MBD5: variants seen among roughly 807,000 people sequenced by gnomAD.
MBD5 encodes the protein methyl-CpG binding domain protein 5, also known as methyl-CpG-binding domain protein 5.
A neutral mutation model predicts 117.3 loss-of-function variants in MBD5; 13 were observed. The ratio of observed to expected loss-of-function variants is 0.11; its 90% CI spans 0.07 to 0.18. The LOEUF is 0.18. Ranked by LOEUF, MBD5 falls within the 10% of genes least tolerant of loss-of-function variation. MBD5 has a pLI of 1.00. For missense variants in MBD5, 1,879 were observed against 2,093.8 expected (o/e 0.90, Z 2.00); for synonymous variants, 727 against 766.4 (o/e 0.95, Z 0.85).
chr2:148,471,351 A>G (rs1201639692), intron 8 of MBD5: 1 of 152,158 alleles, frequency 6.6e-6, no homozygotes, highest in Non-Finnish European at 1.5e-5. Flanking sequence ...AAATGTGTTG[A>G]GGCATCAGAA....
At chr2:148,463,954 T>C (rs1185302971) in intron 7 of MBD5, 35 bp downstream of exon 7, 1 of 1,606,122 alleles carries the variant, frequency 6.2e-7, no homozygotes, top group Non-Finnish European at 8.5e-7. Context: ...GGAATTCTCC[T>C]CTCCCTAGAG....
intron 3 of MBD5, chr2:148,265,133 A>AT (rs1700827510): frequency 6.6e-6 from 1 of 152,082 alleles, no homozygotes; most frequent in Non-Finnish European, 1.5e-5. Flanking sequence ...TTCTCATTAA[A>AT]TTTGTAACAG....
chr2:148,311,150 T>C (rs978623040), intron 3 of MBD5, among the ~76,000 whole-genome samples: 6 of 152,238 alleles, frequency 3.9e-5, no homozygotes, highest in Non-Finnish European at 8.8e-5. Flanking sequence ...GTTCTGTACA[T>C]GTCTATTAGG....
At chr2:148,152,788 C>T (rs914226986) in intron 1 of MBD5, among the ~76,000 whole-genome samples, 3 of 151,306 alleles carry the variant, frequency 2.0e-5, no homozygotes, top group Admixed American at 6.6e-5. Context: ...TTTCCATTTG[C>T]TTGGTAGATC....
intron 11 of MBD5, among the ~76,000 whole-genome samples, chr2:148,496,844 TGGGATTCATTTAAA>T (rs1406139052): frequency 6.6e-6 from 1 of 152,180 alleles, no homozygotes; most frequent in Non-Finnish European, 1.5e-5. Context: ...TGAAAAAAAT[TGGGATTCATTTAAA>T]GGAATGATTA....
intron 1 of MBD5, among the ~76,000 whole-genome samples, chr2:148,063,776 A>G (rs1424474663): frequency 6.6e-6 from 1 of 151,902 alleles, no homozygotes; most frequent in Non-Finnish European, 1.5e-5. Context: ...CTGTTTTCTT[A>G]TTTTCCAATA....
chr2:148,197,810 T>TTTG, intron 2 of MBD5, among the ~76,000 whole-genome samples: 1 of 115,430 alleles, frequency 8.7e-6, no homozygotes, highest in African/African-American at 3.1e-5. Context: ...TTTTTTGTTT[T>TTTG]TTTTTTTGTT....
chr2:148,247,854 C>G (rs962655326), intron 3 of MBD5, among the ~76,000 whole-genome samples: 4 of 151,934 alleles, frequency 2.6e-5, no homozygotes, highest in African/African-American at 9.7e-5. Context: ...AAAATTTAAA[C>G]TTTATGTCTT....
intron 1 of MBD5, among the ~76,000 whole-genome samples, chr2:148,128,077 G>T (rs183884254): frequency 6.6e-6 from 1 of 151,874 alleles, no homozygotes; most frequent in Non-Finnish European, 1.5e-5. Flanking sequence ...TTTTTAATGG[G>T]GTTGTTTTTT....
chr2:148,083,139 A>G (rs915974909), intron 1 of MBD5, among the ~76,000 whole-genome samples: 10 of 152,232 alleles, frequency 6.6e-5, no homozygotes, highest in African/African-American at 1.2e-4. Context: ...CTGAATGTCT[A>G]AAACCTGTGT....
intron 1 of MBD5, among the ~76,000 whole-genome samples, chr2:148,116,017 T>C (rs1696628910): frequency 6.6e-6 from 1 of 152,030 alleles, no homozygotes. Context: ...CTAACTTTTG[T>C]ATTTTTTTTA....
chr2:148,282,780 G>A (rs1701279270), intron 3 of MBD5, among the ~76,000 whole-genome samples: 1 of 151,502 alleles, frequency 6.6e-6, no homozygotes, highest in South Asian at 2.1e-4. Flanking sequence ...ATATTATCAA[G>A]GTTATTAAAC....
At chr2:148,086,048 T>C (rs1695783671) in intron 1 of MBD5, among the ~76,000 whole-genome samples, 1 of 152,194 alleles carries the variant, frequency 6.6e-6, no homozygotes, top group African/African-American at 2.4e-5. Context: ...TATATTTCAC[T>C]ACAGAGATGC....
intron 11 of MBD5, among the ~76,000 whole-genome samples, chr2:148,501,116 A>G (rs779527415): frequency 1.3e-5 from 2 of 152,232 alleles, no homozygotes; most frequent in Non-Finnish European, 2.9e-5. Flanking sequence ...AGGAAAACAA[A>G]CATTTCCATA....
At chr2:148,150,661 C>G (rs1355683499) in intron 1 of MBD5, among the ~76,000 whole-genome samples, 1 of 151,842 alleles carries the variant, frequency 6.6e-6, no homozygotes, top group Non-Finnish European at 1.5e-5. Flanking sequence ...CTTCACATCC[C>G]TTGTAAGTTG....
In MBD5 at chr2:148,021,211, C is replaced by A. The variant is rs1480481810; in HGVS notation, c.-1398C>A. 4 of 248,930 alleles carry A rather than the reference C, an allele frequency of 1.6e-5. No individual in the cohort carries two copies. Among genetic ancestry groups the A allele is most frequent in the Non-Finnish European group, 3.3e-5 (4 of 120,144 alleles). 15.4% of individuals were successfully genotyped at this position (248,930 alleles called of 1,614,324 possible). A position where few individuals can be genotyped will look rare whatever the true frequency, so the allele number is the denominator to read the frequency against. On this transcript the variant is annotated 5_prime_UTR_variant, in exon 1 of 14. Coordinates refer to ENST00000642680, the MANE Select transcript of MBD5 (RefSeq NM_001378120.1). ...GACACTAATTCTACCCCACTTCAAC[C>A]TTGAATTCAGGGGGGTGGGGGGAAG...
chr2:148,450,556 C>A (rs912022534), intron 4 of MBD5, among the ~76,000 whole-genome samples: 1 of 152,192 alleles, frequency 6.6e-6, no homozygotes, highest in Non-Finnish European at 1.5e-5. Context: ...AGCGAGACTT[C>A]TCTCTTTACA....
At chr2:148,328,171 A>G (rs1559025285) in intron 3 of MBD5, among the ~76,000 whole-genome samples, 1 of 152,084 alleles carries the variant, frequency 6.6e-6, no homozygotes, top group Non-Finnish European at 1.5e-5. Flanking sequence ...GGGGTCAGGG[A>G]CCCACTTGAG....
chr2:148,163,572 C>A (rs573248802), intron 1 of MBD5, among the ~76,000 whole-genome samples: 1 of 152,036 alleles, frequency 6.6e-6, no homozygotes, highest in East Asian at 1.9e-4. Context: ...TGTGACACCA[C>A]GCCTGGCTAA....
Sources: allele counts gnomAD v4.1 joint callset (sites outside exome capture counted in the v4.1 genomes callset), GRCh38; gene constraint gnomAD v4.1.1; transcripts MANE v1.5; gene names NCBI Gene and HGNC (gene_info 2026-07-23, HGNC 2026-07-21).